Variants in FNDC3B observed in about 807,000 individuals in gnomAD.
FNDC3B encodes fibronectin type III domain containing 3B.
A neutral mutation model predicts 151.5 loss-of-function variants in FNDC3B; 12 were observed. The observed-to-expected ratio is 0.08, with a 90% CI of 0.05 to 0.13. The LOEUF is 0.13. FNDC3B is among the 10% of genes least tolerant of loss of function. The pLI is 1.00. For missense variants in FNDC3B, 1,214 were observed against 1,505.3 expected (o/e 0.81, Z 3.20); for synonymous variants, 528 against 549.0 (o/e 0.96, Z 0.54).
intron 16 of FNDC3B, chr3:172,337,648 T>C (rs895305216): frequency 2.2e-6 from 1 of 451,844 alleles, no homozygotes; most frequent in Admixed American, 4.0e-5. Context: ...ATTGGTGTTT[T>C]GTTTTGTTTA....
chr3:172,183,281 C>G (rs1364808423), intron 3 of FNDC3B, among the ~76,000 whole-genome samples: 1 of 152,166 alleles, frequency 6.6e-6, no homozygotes, highest in Non-Finnish European at 1.5e-5. Flanking sequence ...CCCTTTTGCT[C>G]CCAATTTCAC....
chr3:172,318,833 A>G (rs922276644), intron 11 of FNDC3B, among the ~76,000 whole-genome samples: 1 of 152,192 alleles, frequency 6.6e-6, no homozygotes, highest in African/African-American at 2.4e-5. Flanking sequence ...CATCTTTCAC[A>G]TGAGTGCCCA....
At chr3:172,373,755 C>T (rs989809847) in intron 23 of FNDC3B, among the ~76,000 whole-genome samples, 3 of 152,278 alleles carry the variant, frequency 2.0e-5, no homozygotes, top group East Asian at 3.9e-4. Context: ...GAAAGAGCAC[C>T]ATACAAATGG....
intron 3 of FNDC3B, among the ~76,000 whole-genome samples, chr3:172,162,391 C>A (rs1722823412): frequency 6.6e-6 from 1 of 152,214 alleles, no homozygotes; most frequent in East Asian, 1.9e-4. Flanking sequence ...CATTCATCAA[C>A]TGATAAACAT....
chr3:172,385,598 G>A (rs544491688), intron 25 of FNDC3B, among the ~76,000 whole-genome samples: 20 of 143,368 alleles, frequency 1.4e-4, no homozygotes, highest in South Asian at 2.2e-4. Context: ...TCACTCTGTC[G>A]CCCAGGCTGG....
intron 3 of FNDC3B, among the ~76,000 whole-genome samples, chr3:172,221,981 A>T (rs1362575448): frequency 6.6e-6 from 1 of 152,224 alleles, no homozygotes; most frequent in African/African-American, 2.4e-5. Context: ...CAGCTATTTA[A>T]AAAGACTGAA....
intron 2 of FNDC3B, among the ~76,000 whole-genome samples, chr3:172,124,819 G>C (rs902579050): frequency 2.6e-5 from 4 of 152,200 alleles, no homozygotes; most frequent in African/African-American, 9.7e-5. Flanking sequence ...GTGGAGGGAA[G>C]GATTAGTGAC....
chr3:172,396,457 A>T (rs1320611853), intron 25 of FNDC3B, among the ~76,000 whole-genome samples: 1 of 152,164 alleles, frequency 6.6e-6, no homozygotes, highest in Non-Finnish European at 1.5e-5. Flanking sequence ...TTAGAATGTT[A>T]ACTTTGTTCT....
intron 13 of FNDC3B, among the ~76,000 whole-genome samples, chr3:172,332,328 A>G (rs1363636513): frequency 1.3e-5 from 2 of 152,122 alleles, no homozygotes; most frequent in Admixed American, 1.3e-4. Context: ...TGGCTACCAT[A>G]TTTACCTCCA....
chr3:172,108,850 C>T (rs1410120759), intron 1 of FNDC3B, among the ~76,000 whole-genome samples: 1 of 152,196 alleles, frequency 6.6e-6, no homozygotes, highest in African/African-American at 2.4e-5. Context: ...TTTCTCTAGT[C>T]TGTTTTCTAT....
intron 22 of FNDC3B, among the ~76,000 whole-genome samples, chr3:172,359,982 T>C (rs1346662463): frequency 2.0e-5 from 3 of 152,206 alleles, no homozygotes; most frequent in Non-Finnish European, 4.4e-5. Context: ...GGTTTTTGTG[T>C]GAACATAAAT....
Position 172,347,215 on chromosome 3 carries a change from C to G in FNDC3B, c.2368C>G (p.Pro790Ala), listed in dbSNP as rs752538368. Residue 790 changes from proline (P) to alanine (A), a missense_variant, in exon 21 of 26, where the codon CCT (proline) becomes GCT (alanine). Pro to Ala is a conservative substitution (Grantham distance 27). Around this residue, in one of 7 missense-constraint regions of FNDC3B, gnomAD observed 380 missense variants for 420.9 expected, o/e 0.90. Transcript: ENST00000415807. ...ACTTCCATTTCTGCCTTTCCAGAGT[C>G]CTGATAGTTCTGGTGCTGACATCTC... Reference protein sequence around the residue: ...DGCVLVGWESPDSSGADISEY... With the variant: ...DGCVLVGWESADSSGADISEY... 2.6e-5 allele frequency: 42 copies of G among 1,611,746 alleles called. No individual in the cohort carries two copies. The highest frequency in any genetic ancestry group is 2.5e-5 in the Non-Finnish European group (29 of 1,178,802).
intron 11 of FNDC3B, among the ~76,000 whole-genome samples, chr3:172,314,093 G>A (rs1446438139): frequency 6.6e-6 from 1 of 152,174 alleles, no homozygotes; most frequent in Non-Finnish European, 1.5e-5. Context: ...CTACAGCCAG[G>A]TGCATCTCTT....
At chr3:172,336,845 G>A (rs970958949) in intron 15 of FNDC3B, among the ~76,000 whole-genome samples, 12 of 151,548 alleles carry the variant, frequency 7.9e-5, no homozygotes, top group Non-Finnish European at 1.3e-4. Flanking sequence ...AGAGGTTGCC[G>A]TGAGCCGAGA....
intron 19 of FNDC3B, among the ~76,000 whole-genome samples, chr3:172,344,816 A>T (rs1733525311): frequency 6.6e-6 from 1 of 152,190 alleles, no homozygotes; most frequent in South Asian, 2.1e-4. Flanking sequence ...TATATCCATA[A>T]AGGTTGTTGT....
At chr3:172,362,319 C>G (rs1362427895) in intron 22 of FNDC3B, among the ~76,000 whole-genome samples, 1 of 152,192 alleles carries the variant, frequency 6.6e-6, no homozygotes, top group Non-Finnish European at 1.5e-5. Context: ...TAAACGGTAG[C>G]TAGGACAAAA....
intron 6 of FNDC3B, among the ~76,000 whole-genome samples, chr3:172,259,121 G>A (rs1728517376): frequency 6.6e-6 from 1 of 152,150 alleles, no homozygotes. Flanking sequence ...TAAATTCTGA[G>A]TATTGCAAAA....
At chr3:172,115,926 A>G (rs1720225371) in intron 2 of FNDC3B, among the ~76,000 whole-genome samples, 1 of 152,220 alleles carries the variant, frequency 6.6e-6, no homozygotes, top group South Asian at 2.1e-4. Flanking sequence ...AAAGCTCTGC[A>G]GTTCCCACAG....
chr3:172,247,432 G>A (rs1727835532), intron 4 of FNDC3B, 101 bp from the exon 5 acceptor site: 2 of 1,303,742 alleles, frequency 1.5e-6, no homozygotes, highest in African/African-American at 1.5e-5. Flanking sequence ...TTTTTCTATG[G>A]TGGAAGAGAA....
Sources: gnomAD v4.1 joint callset for allele counts (sites outside exome capture counted in the v4.1 genomes callset) on GRCh38, gnomAD v4.1.1 for gene constraint, gnomAD v4.1.1 regional missense constraint, MANE v1.5 for transcripts, NCBI Gene and HGNC (gene_info 2026-07-23, HGNC 2026-07-21) for gene names.